AFAP1L2: variants seen among roughly 807,000 people sequenced by gnomAD.
The protein encoded by AFAP1L2 is actin filament-associated protein 1-like 2.
In AFAP1L2, 46 loss-of-function variants were observed where a neutral mutation model predicts 99.3. That is an observed-to-expected ratio of 0.46 (90% confidence interval 0.37 to 0.59). AFAP1L2 has a LOEUF of 0.59. Among genes scored for constraint, AFAP1L2 ranks in the 20% least tolerant of loss-of-function variants. AFAP1L2 has a pLI of 0.00. For synonymous variants in AFAP1L2, 397 were observed against 419.1 expected (o/e 0.95, Z 0.64); for missense variants, 959 against 1,034.9 (o/e 0.93, Z 1.01).
intron 2 of AFAP1L2, among the ~76,000 whole-genome samples, chr10:114,337,597 C>T (rs990225231): frequency 3.3e-5 from 5 of 152,098 alleles, no homozygotes; most frequent in South Asian, 2.1e-4. Flanking sequence ...GCAGAGTCCA[C>T]GGAGAGGGGA....
the AFAP1L2 span, chr10:114,281,821 G>C: frequency 1.1e-6 from 1 of 888,678 alleles, no homozygotes; most frequent in Non-Finnish European, 1.3e-6. Context: ...ATACAAAGAG[G>C]AAAGTGAAGA....
chr10:114,333,212 G>A lies in AFAP1L2; in HGVS notation c.220+9C>T. The A allele has an allele frequency of 6.2e-7, 1 of 1,611,662 alleles. No homozygotes were observed. The highest frequency in any genetic ancestry group is 1.7e-5 in the Admixed American group (1 of 60,026). ...CATCATACCAGCGTCAGTGATCCCAGCCTCATACCTTTGCCTTGAGACTCT... is the reference window on the plus strand; with the variant it reads ...CATCATACCAGCGTCAGTGATCCCAACCTCATACCTTTGCCTTGAGACTCT... On this transcript the variant is annotated intron_variant, in intron 3 of 18. Coordinates refer to ENST00000304129, the MANE Select transcript of AFAP1L2 (RefSeq NM_001001936.3).
At chr10:114,355,343 C>T (rs548994953) in intron 1 of AFAP1L2, among the ~76,000 whole-genome samples, 17 of 151,226 alleles carry the variant, frequency 1.1e-4, no homozygotes, top group African/African-American at 3.9e-4. Flanking sequence ...CAAGCTCCGC[C>T]TCCCGGATTC....
downstream of AFAP1L2, chr10:114,290,478 A>G (rs1589850663): frequency 7.0e-7 from 1 of 1,434,926 alleles, no homozygotes; most frequent in South Asian, 1.3e-5. Context: ...AGTGGAAGAA[A>G]TTATTCAGTC....
At chr10:114,402,411 T>C (rs1192701951) in intron 1 of AFAP1L2, among the ~76,000 whole-genome samples, 2 of 152,182 alleles carry the variant, frequency 1.3e-5, no homozygotes, top group Admixed American at 6.5e-5. Context: ...GTAAACCTAT[T>C]AGCAGCATGA....
intron 5 of AFAP1L2, among the ~76,000 whole-genome samples, chr10:114,316,703 A>G (rs1173193854): frequency 1.3e-4 from 20 of 152,188 alleles, no homozygotes. Context: ...AACAAAAACC[A>G]TGTGAAGAAA....
intron 1 of AFAP1L2, among the ~76,000 whole-genome samples, chr10:114,403,612 G>A (rs1201335002): frequency 6.6e-6 from 1 of 152,340 alleles, no homozygotes; most frequent in Non-Finnish European, 1.5e-5. Flanking sequence ...GCAACTCCCT[G>A]TACTCCCTTT....
At chr10:114,387,816 T>C (rs1488120569) in intron 1 of AFAP1L2, among the ~76,000 whole-genome samples, 2 of 152,160 alleles carry the variant, frequency 1.3e-5, no homozygotes, top group East Asian at 1.9e-4. Context: ...TCATGCCTCA[T>C]GGAAGGAAGC....
chr10:114,340,804 A>T, intron 1 of AFAP1L2, 73 bp from the exon 2 acceptor site: 1 of 1,602,898 alleles, frequency 6.2e-7, no homozygotes, highest in Non-Finnish European at 8.5e-7. Flanking sequence ...ACACCTCGGG[A>T]CCCTGCAGCC....
At chr10:114,386,151 T>C (rs557877580) in intron 1 of AFAP1L2, among the ~76,000 whole-genome samples, 3 of 152,232 alleles carry the variant, frequency 2.0e-5, no homozygotes, top group East Asian at 1.9e-4. Context: ...GGTAACCTCA[T>C]GGAGAAAATG....
intron 11 of AFAP1L2, among the ~76,000 whole-genome samples, chr10:114,303,278 G>A (rs1015586038): frequency 1.4e-4 from 22 of 152,254 alleles, no homozygotes; most frequent in Middle Eastern, 3.4e-3. Flanking sequence ...GTGATGAGCA[G>A]AATTTGACAT....
the AFAP1L2 span, chr10:114,284,816 T>G: frequency 1.3e-6 from 2 of 1,540,610 alleles, no homozygotes; most frequent in African/African-American, 2.8e-5. Flanking sequence ...TCCTCTCCAC[T>G]CCTCTGTGCT....
chr10:114,380,019 C>T (rs1160938125), intron 1 of AFAP1L2, among the ~76,000 whole-genome samples: 1 of 152,202 alleles, frequency 6.6e-6, no homozygotes, highest in African/African-American at 2.4e-5. Flanking sequence ...CCATCCCTTC[C>T]AGGGATCTTG....
At chr10:114,288,832 G>A in the AFAP1L2 span, 1 of 1,170,304 alleles carries the variant, frequency 8.5e-7, no homozygotes, top group Non-Finnish European at 1.2e-6. Flanking sequence ...AGTGAACAGA[G>A]CACCCTGGCT....
At chr10:114,281,624 CTTACATG>C in the AFAP1L2 span, 1 of 522,032 alleles carries the variant, frequency 1.9e-6, no homozygotes, top group East Asian at 1.5e-4. Context: ...AGTCCAGTGG[CTTACATG>C]TCTTGACCTG....
intron 5 of AFAP1L2, among the ~76,000 whole-genome samples, chr10:114,321,866 C>T (rs2045402535): frequency 6.6e-6 from 1 of 152,214 alleles, no homozygotes; most frequent in African/African-American, 2.4e-5. Context: ...TACAGAGCCG[C>T]TCACACAGTG....
chr10:114,347,551 C>T (rs1304176195), intron 1 of AFAP1L2, among the ~76,000 whole-genome samples: 1 of 152,168 alleles, frequency 6.6e-6, no homozygotes, highest in Non-Finnish European at 1.5e-5. Flanking sequence ...TCATGACTCA[C>T]TGCACCCTTG....
At chr10:114,384,243 T>G (rs76040197) in intron 1 of AFAP1L2, among the ~76,000 whole-genome samples, 10,158 of 152,192 alleles carry the variant, frequency 0.067, 628 homozygotes, top group African/African-American at 0.16. Flanking sequence ...ATCCCATCCT[T>G]GCCTCCGCCT....
At chr10:114,284,934 C>A in the AFAP1L2 span, 2 of 1,605,446 alleles carry the variant, frequency 1.2e-6, no homozygotes, top group Non-Finnish European at 1.7e-6. Context: ...CTACCAGTGC[C>A]TCTGCCCGCT....
Sources: allele counts gnomAD v4.1 joint callset (sites outside exome capture counted in the v4.1 genomes callset), GRCh38; gene constraint gnomAD v4.1.1; transcripts MANE v1.5; gene names NCBI Gene and HGNC (gene_info 2026-07-23, HGNC 2026-07-21).